MALRD1: variants seen among roughly 807,000 people sequenced by gnomAD.
MALRD1 encodes the protein MAM and LDL-receptor class A domain-containing protein 1.
A neutral mutation model predicts 242.1 loss-of-function variants in MALRD1; 247 were observed. That is an observed-to-expected ratio of 1.02 (90% CI 0.92 to 1.13). MALRD1 has a LOEUF of 1.13. MALRD1 is among the 50% of genes most tolerant of loss of function. The probability of loss-of-function intolerance (pLI) is 0.00; values close to 1 mark genes in which losing one functional copy is unlikely to be tolerated. For synonymous variants in MALRD1, 995 were observed against 866.6 expected, an observed-to-expected ratio of 1.15 and a Z score of -2.60; for missense variants, 2,989 against 2,533.1, an observed-to-expected ratio of 1.18 and a Z score of -3.86.
chr10:19,387,704 T>G lies in MALRD1; in HGVS notation c.4618T>G (p.Trp1540Gly), dbSNP rs188972836. The G allele has an allele frequency of 3.8e-5, 59 of 1,550,372 alleles. No individual in the cohort carries two copies. The highest frequency in any genetic ancestry group is 5.1e-5 in the Non-Finnish European group (58 of 1,146,858). Residue 1540 changes from tryptophan (W) to glycine (G), a missense_variant, in exon 27 of 40, where the codon TGG becomes GGG. Physicochemically the swap from Trp to Gly is radical, Grantham distance 184 (BLOSUM62 -2). Transcript: ENST00000454679. ...WQNSQADNFD[W>G]VLGVGSHQSL... ...AAACTCCCAGGCTGACAACTTTGATTGGGTTTTAGGGGTTGGCTCTCATCA... is the reference window on the plus strand; with the variant it reads ...AAACTCCCAGGCTGACAACTTTGATGGGGTTTTAGGGGTTGGCTCTCATCA...
rs549489148 is a variant in MALRD1, at chr10:19,209,481, C to G, written c.2792C>G (p.Pro931Arg). The stretch of plus-strand genomic sequence containing the variant: ...CAAGACAGTGCTGCCTTACTCAGCC[C>G]AATCCTTAATGCCACTGATACAAAA... ...AFQDSAALLS[P>R]ILNATDTKGC... The change falls in exon 18 of 40, where the codon CCA becomes CGA. Residue 931 changes from proline (P) to arginine (R), a missense_variant. Coordinates refer to ENST00000454679, the MANE Select transcript of MALRD1 (RefSeq NM_001142308.3). 6.4e-7 allele frequency: 1 copy of G among 1,550,806 alleles called. No homozygotes were observed. Among genetic ancestry groups the G allele is most frequent in the African/African-American group, 1.4e-5 (1 of 73,190 alleles).
intron 25 of MALRD1, among the ~76,000 whole-genome samples, chr10:19,350,668 CTGTT>C (rs1177084771): frequency 3.3e-5 from 5 of 152,176 alleles, no homozygotes; most frequent in African/African-American, 1.2e-4. Context: ...GTTGGTGCAT[CTGTT>C]TGCATGTTAA....
intron 14 of MALRD1, among the ~76,000 whole-genome samples, chr10:19,195,498 G>C (rs1836195921): frequency 6.6e-6 from 1 of 152,042 alleles, no homozygotes; most frequent in African/African-American, 2.4e-5. Flanking sequence ...TTGAACTCCA[G>C]ACTCAGATCT....
At chr10:19,645,881 TA>T (rs562144315) in intron 36 of MALRD1, among the ~76,000 whole-genome samples, 5 of 151,720 alleles carry the variant, frequency 3.3e-5, no homozygotes, top group Non-Finnish European at 5.9e-5. Flanking sequence ...AGTATAATAA[TA>T]AAAAAAAAGA....
At chr10:19,168,918 T>G (rs1027322303) in intron 13 of MALRD1, among the ~76,000 whole-genome samples, 12 of 152,216 alleles carry the variant, frequency 7.9e-5, no homozygotes, top group African/African-American at 2.9e-4. Context: ...GCCTATGAGT[T>G]GGCTACAGCA....
At chr10:19,632,773 ATGTC>A (rs1839963628) in intron 36 of MALRD1, among the ~76,000 whole-genome samples, 1 of 152,192 alleles carries the variant, frequency 6.6e-6, no homozygotes, top group Non-Finnish European at 1.5e-5. Context: ...ATTTTTACAT[ATGTC>A]TCATTTTCCT....
chr10:19,684,166 T>C (rs1398715480), intron 36 of MALRD1, among the ~76,000 whole-genome samples: 1 of 152,184 alleles, frequency 6.6e-6, no homozygotes, highest in Non-Finnish European at 1.5e-5. Context: ...CAAAACCGTA[T>C]GGTCAACAGA....
chr10:19,225,252 C>T (rs1322294193), intron 18 of MALRD1, among the ~76,000 whole-genome samples: 1 of 152,092 alleles, frequency 6.6e-6, no homozygotes, highest in Non-Finnish European at 1.5e-5. Flanking sequence ...TCCTTGAGTT[C>T]AGTCTCCAGG....
rs1279965958 is a variant in MALRD1, at chr10:19,492,011, T to C, written c.5158+366T>C. On this transcript the variant is annotated intron_variant, in intron 30 of 39. Transcript: ENST00000454679. ...TTGTTTTTTTTTTTCTATTTTTTTTTCCAAAAAATTGTTGATTTTGTATAT... is the reference window on the plus strand; with the variant it reads ...TTGTTTTTTTTTTTCTATTTTTTTTCCCAAAAAATTGTTGATTTTGTATAT... 4.6e-5 allele frequency among the ~76,000 whole-genome samples: 7 copies of C among 151,856 alleles called. No individual in the cohort carries two copies. In the East Asian group the frequency reaches 5.8e-4, roughly 13 times the overall value.
intron 32 of MALRD1, among the ~76,000 whole-genome samples, chr10:19,547,573 C>T (rs1835261611): frequency 6.6e-6 from 1 of 151,494 alleles, no homozygotes; most frequent in South Asian, 2.1e-4. Flanking sequence ...AGTTACCACT[C>T]TCATTAACAT....
In MALRD1 at chr10:19,634,021, A is replaced by G. The variant is rs1291906730; in HGVS notation, c.6137+18098A>G. On this transcript the variant is annotated intron_variant, in intron 36 of 39. Coordinates refer to ENST00000454679, the MANE Select transcript of MALRD1 (RefSeq NM_001142308.3). ...GCCCAGCTAGTTTTGTTGTATTTTTAGTAGAAATGGTGTTTTGCCATGTTG... is the reference window on the plus strand; with the variant it reads ...GCCCAGCTAGTTTTGTTGTATTTTTGGTAGAAATGGTGTTTTGCCATGTTG... Among the ~76,000 whole-genome samples the G allele has an allele frequency of 4.0e-5, 6 of 151,784 alleles. No individual in the cohort carries two copies. The South Asian group carries it at 1.2e-3, about 32-fold the overall frequency.
intron 38 of MALRD1, among the ~76,000 whole-genome samples, chr10:19,695,819 C>T (rs776261198): frequency 1.3e-5 from 2 of 152,008 alleles, no homozygotes; most frequent in Non-Finnish European, 1.5e-5. Flanking sequence ...TCACCGTGCC[C>T]GGCGCCAAAG....
chr10:19,160,978 T>C (rs1203965965), intron 12 of MALRD1, among the ~76,000 whole-genome samples: 1 of 152,010 alleles, frequency 6.6e-6, no homozygotes, highest in Non-Finnish European at 1.5e-5. Flanking sequence ...TCTGCTCTGA[T>C]TTGACCCAGC....
At chr10:19,303,402 A>G (rs571223422) in intron 21 of MALRD1, among the ~76,000 whole-genome samples, 2 of 151,872 alleles carry the variant, frequency 1.3e-5, no homozygotes, top group African/African-American at 4.8e-5. Context: ...TTTGGCAGTG[A>G]TCAGAAATCA....
intron 18 of MALRD1, among the ~76,000 whole-genome samples, chr10:19,210,832 C>A (rs903016262): frequency 6.6e-6 from 1 of 152,112 alleles, no homozygotes; most frequent in Non-Finnish European, 1.5e-5. Context: ...AGCTCTCCCA[C>A]AGCGTAAGGT....
chr10:19,563,936 C>T (rs1836134510), intron 32 of MALRD1, among the ~76,000 whole-genome samples: 1 of 152,122 alleles, frequency 6.6e-6, no homozygotes, highest in African/African-American at 2.4e-5. Flanking sequence ...GCACACCGCC[C>T]GCCTCCGGCA....
At chr10:19,579,191 G>C (rs1362076180) in intron 33 of MALRD1, among the ~76,000 whole-genome samples, 2 of 152,134 alleles carry the variant, frequency 1.3e-5, no homozygotes, top group Non-Finnish European at 2.9e-5. Context: ...TGTTCTATTT[G>C]ATTGCATCAT....
intron 28 of MALRD1, among the ~76,000 whole-genome samples, chr10:19,411,970 A>C (rs1306948491): frequency 1.3e-5 from 2 of 152,206 alleles, no homozygotes; most frequent in African/African-American, 4.8e-5. Context: ...TACATTGATC[A>C]TTACTTAAGT....
chr10:19,406,158 G>C (rs1050788346), intron 28 of MALRD1, among the ~76,000 whole-genome samples: 3 of 152,208 alleles, frequency 2.0e-5, no homozygotes, highest in Non-Finnish European at 4.4e-5. Flanking sequence ...CAGTGGAAGA[G>C]AGAGTGCTTT....
Sources: gnomAD v4.1 joint callset for allele counts (sites outside exome capture counted in the v4.1 genomes callset) on GRCh38, gnomAD v4.1.1 for gene constraint, MANE v1.5 for transcripts, NCBI Gene and HGNC (gene_info 2026-07-23, HGNC 2026-07-21) for gene names.